The following MYL3 variants were observed in gnomAD, a reference collection of about 807,000 sequenced individuals.
The protein encoded by MYL3 is myosin light chain 3, also known as CMLC1.
MYL3 carries 11 observed loss-of-function variants against 21.3 expected under a neutral mutation model. The ratio of observed to expected loss-of-function variants is 0.52; its 90% CI spans 0.32 to 0.85. MYL3 has a LOEUF of 0.85. Ranked by LOEUF, MYL3 falls within the 40% of genes least tolerant of loss-of-function variation. MYL3 has a pLI of 0.03. For synonymous variants in MYL3, 88 were observed against 91.6 expected (o/e 0.96, Z 0.22); for missense variants, 206 against 253.3 (o/e 0.81, Z 1.27).
chr3:46,879,631 C>G lies in MYL3; in HGVS notation c.-218+2443G>C, dbSNP rs1231513414. ...GTGTGGTAGCTCATGCCTGTGGTGC[C>G]AGCTACATGAGAGGCTGAGGTGAGA... On this transcript the variant is annotated intron_variant, in intron 1 of 3. Transcript: ENST00000431168. This position sits in a 1 kb window ranked among gnomAD's most constrained non-coding sequence, Gnocchi z 4.7. 1.3e-5 allele frequency among the ~76,000 whole-genome samples: 2 copies of G among 152,150 alleles called. No homozygotes were observed. Among genetic ancestry groups the G allele is most frequent in the Non-Finnish European group, 2.9e-5 (2 of 68,032 alleles).
At chr3:46,881,831 C>G (rs1023061052) in intron 1 of MYL3, among the ~76,000 whole-genome samples, 1 of 152,170 alleles carries the variant, frequency 6.6e-6, no homozygotes, top group Non-Finnish European at 1.5e-5. Flanking sequence ...AGTGGACTGA[C>G]AGCGTCGCGG....
At position 46,860,871 on chromosome 3, in the gene MYL3, T is replaced by A. The variant is rs188566911; in HGVS notation, c.158-46A>T. The A allele has an allele frequency of 1.9e-6, 3 of 1,613,982 alleles. No individual in the cohort carries two copies. In the East Asian group the frequency reaches 6.7e-5, roughly 36 times the overall value. ...GCCACAGACACTCCCAGGGTCAGCCTACCCCACTCCCCACACCCCTGGCAG... is the reference window on the plus strand; with the variant it reads ...GCCACAGACACTCCCAGGGTCAGCCAACCCCACTCCCCACACCCCTGGCAG... On this transcript the variant is annotated intron_variant, in intron 2 of 6. Transcript: ENST00000292327. The surrounding 1 kb of genome is among the most constrained non-coding windows in gnomAD (Gnocchi z 4.6).
chr3:46,873,527 G>A (rs2030022847), intron 1 of MYL3, among the ~76,000 whole-genome samples: 1 of 152,168 alleles, frequency 6.6e-6, no homozygotes, highest in Non-Finnish European at 1.5e-5. Flanking sequence ...GTGTGGTTAC[G>A]CTTGATTGGA....
chr3:46,859,341 G>T lies in MYL3; in HGVS notation c.481+134C>A. The stretch of plus-strand genomic sequence containing the variant: ...TCTCCTCCTAAGTAACATTTCTGTT[G>T]TCTGCCATTGAGGCTCCCTAATTAT... On this transcript the variant is annotated intron_variant, in intron 4 of 6. Coordinates refer to ENST00000292327, the MANE Select transcript of MYL3 (RefSeq NM_000258.3). The surrounding 1 kb of genome is among the most constrained non-coding windows in gnomAD (Gnocchi z 4.1). 2.6e-6 allele frequency: 3 copies of T among 1,134,696 alleles called. No homozygotes were observed. The highest frequency in any genetic ancestry group is 1.5e-5 in the African/African-American group (1 of 65,618). 70.3% of individuals were successfully genotyped at this position (1,134,696 alleles called of 1,614,324 possible).
At chr3:46,873,398 G>C (rs1559522855) in intron 1 of MYL3, among the ~76,000 whole-genome samples, 1 of 152,220 alleles carries the variant, frequency 6.6e-6, no homozygotes, top group African/African-American at 2.4e-5. Context: ...GTGCAGGCAG[G>C]GGCCACGGAA....
At chr3:46,858,576 G>T in intron 4 of MYL3, 115 bp from the exon 5 acceptor site, 1 of 999,262 alleles carries the variant, frequency 1.0e-6, no homozygotes, top group Non-Finnish European at 1.5e-6. Flanking sequence ...CCCACAACCA[G>T]CACTGTTCAC....
rs2030078802 is a variant in MYL3 at position 46,874,492 on chromosome 3, G to T, written c.-218+7582C>A. ...AGCCCCCGGCAAGGACCCAGTGTCT[G>T]AGCTAACCCCCTCCCCACCACCTCC... On this transcript the variant is annotated intron_variant, in intron 1 of 3. Transcript: ENST00000431168. This position sits in a 1 kb window ranked among gnomAD's most constrained non-coding sequence, Gnocchi z 4.1. Among the ~76,000 whole-genome samples the T allele has an allele frequency of 6.6e-6, 1 of 152,110 alleles. No individual in the cohort carries two copies. Among genetic ancestry groups the T allele is most frequent in the African/African-American group, 2.4e-5 (1 of 41,398 alleles).
rs1217392784 is a variant in MYL3 at position 46,858,011 on chromosome 3, A to T, written c.*104T>A. 19 of 611,280 alleles carry T rather than the reference A, an allele frequency of 3.1e-5. No individual in the cohort carries two copies. The highest frequency in any genetic ancestry group is 5.2e-5 in the Non-Finnish European group (18 of 343,362). The allele number at this position is 611,280 out of a possible 1,614,324, so 37.9% of individuals were successfully genotyped here. A position where few individuals can be genotyped will look rare whatever the true frequency, so the allele number is the denominator to read the frequency against. Reference sequence around the variant, plus strand: ...CAAGGGTTTTTGCAGGAGTCTTGGTAAGGCTCCCCTCCTTCCCACGACTCC... The same window carrying T: ...CAAGGGTTTTTGCAGGAGTCTTGGTTAGGCTCCCCTCCTTCCCACGACTCC... On this transcript the variant is annotated 3_prime_UTR_variant, in exon 7 of 7. Coordinates refer to ENST00000292327, the MANE Select transcript of MYL3 (RefSeq NM_000258.3).
intron 1 of MYL3, among the ~76,000 whole-genome samples, chr3:46,870,704 T>C (rs1035626785): frequency 1.3e-5 from 2 of 152,164 alleles, no homozygotes; most frequent in Non-Finnish European, 1.5e-5. Context: ...ACACACGCAC[T>C]ATCCCCAGGC....
At chr3:46,878,479 G>C (rs1214189392) in intron 1 of MYL3, among the ~76,000 whole-genome samples, 2 of 152,224 alleles carry the variant, frequency 1.3e-5, no homozygotes, top group African/African-American at 4.8e-5. Flanking sequence ...GATGGAGATA[G>C]AGCTCAGTCT....
chr3:46,880,954 T>C (rs2030519855), intron 1 of MYL3: 1 of 152,012 alleles, frequency 6.6e-6, no homozygotes. Context: ...ACAGGCTGAG[T>C]CTTGAGAGCC....
chr3:46,872,435 C>A (rs569479864), intron 1 of MYL3, among the ~76,000 whole-genome samples: 2 of 152,158 alleles, frequency 1.3e-5, no homozygotes, highest in Non-Finnish European at 2.9e-5. Context: ...TGCTGTAGGG[C>A]CCCAAGACCC....
upstream of MYL3, among the ~76,000 whole-genome samples, chr3:46,864,077 C>T (rs1702023728): frequency 6.6e-6 from 1 of 151,416 alleles, no homozygotes; most frequent in Admixed American, 6.6e-5. This position sits in a 1 kb window ranked among gnomAD's most constrained non-coding sequence, Gnocchi z 4.7. Flanking sequence ...GGGCTCTGTG[C>T]GTGCCTATGT....
chr3:46,877,639 G>A (rs895578142), intron 1 of MYL3: 2 of 152,240 alleles, frequency 1.3e-5, no homozygotes, highest in Non-Finnish European at 2.9e-5. Context: ...ACAAAGTCCT[G>A]GGCCAGTGTA....
chr3:46,871,129 C>T (rs956010144), intron 1 of MYL3, among the ~76,000 whole-genome samples: 4 of 152,148 alleles, frequency 2.6e-5, no homozygotes, highest in Non-Finnish European at 4.4e-5. Context: ...TCTTTTAGCT[C>T]ACGGGTATAG....
chr3:46,866,893 T>C (rs1702051867), upstream of MYL3, among the ~76,000 whole-genome samples: 1 of 152,060 alleles, frequency 6.6e-6, no homozygotes, highest in Non-Finnish European at 1.5e-5. Context: ...ACCCCTGTGG[T>C]ACAGGCAGTG....
intron 1 of MYL3, among the ~76,000 whole-genome samples, chr3:46,873,759 G>C (rs2030031093): frequency 6.6e-6 from 1 of 152,282 alleles, no homozygotes; most frequent in Admixed American, 6.5e-5. Context: ...AGTGGGACTG[G>C]GGGAAGCCTA....
intron 1 of MYL3, among the ~76,000 whole-genome samples, chr3:46,876,631 T>A (rs1440930968): frequency 6.6e-6 from 1 of 152,088 alleles, no homozygotes; most frequent in Non-Finnish European, 1.5e-5. Context: ...GAAACTCTAA[T>A]GAGTGGTACC....
chr3:46,863,893 CTG>C (rs1008482410), upstream of MYL3, among the ~76,000 whole-genome samples: 1 of 152,150 alleles, frequency 6.6e-6, no homozygotes, highest in Non-Finnish European at 1.5e-5. Flanking sequence ...GTGTCTGTGT[CTG>C]TGTCTATGAC....
Sources: gnomAD v4.1 joint callset for allele counts (sites outside exome capture counted in the v4.1 genomes callset) on GRCh38, gnomAD v4.1.1 for gene constraint, Gnocchi (gnomAD v3.1) non-coding constraint, MANE v1.5 for transcripts, NCBI Gene and HGNC (gene_info 2026-07-23, HGNC 2026-07-21) for gene names.